The following BRINP2 variants were observed in gnomAD, a reference collection of about 807,000 sequenced individuals.
The protein encoded by BRINP2 is BMP/retinoic acid-inducible neural-specific protein 2.
BRINP2 carries 21 observed loss-of-function variants against 69.2 expected under a neutral mutation model. The ratio of observed to expected loss-of-function variants is 0.30; its 90% confidence interval spans 0.22 to 0.44. The LOEUF (loss-of-function observed/expected upper bound fraction) is 0.44. Ranked by LOEUF, BRINP2 falls within the 20% of genes least tolerant of loss-of-function variation. The pLI is 1.00. For missense variants in BRINP2, 877 were observed against 986.0 expected (o/e 0.89, Z 1.48); for synonymous variants, 380 against 394.1 (o/e 0.96, Z 0.42).
rs572141135 is a variant in BRINP2 at position 177,233,837 on chromosome 1, C to T, written c.269+3692C>T. Reference sequence around the variant, plus strand: ...TTTCTTAGGCATGTCCTCCAGTGGCCGGTGACTGCAGGCTCCTTTGTTCCA... The same window carrying T: ...TTTCTTAGGCATGTCCTCCAGTGGCTGGTGACTGCAGGCTCCTTTGTTCCA... On this transcript the variant is annotated intron_variant, in intron 2 of 7. Transcript: ENST00000361539. 1.3e-3 allele frequency among the ~76,000 whole-genome samples: 199 copies of T among 152,234 alleles called. 1 individual carries two copies. The highest frequency in any genetic ancestry group is 4.5e-3 in the African/African-American group (185 of 41,536).
At chr1:177,239,861 G>A (rs1426225811) in intron 2 of BRINP2, among the ~76,000 whole-genome samples, 1 of 152,204 alleles carries the variant, frequency 6.6e-6, no homozygotes, top group Non-Finnish European at 1.5e-5. Context: ...TCTGGCAGGA[G>A]TTCCCAGCCA....
At chr1:177,272,419 G>C (rs1304368402) in intron 4 of BRINP2, among the ~76,000 whole-genome samples, 1 of 152,216 alleles carries the variant, frequency 6.6e-6, no homozygotes, top group East Asian at 1.9e-4. Context: ...CTTGTTTATT[G>C]AGTACCTACT....
At chr1:177,212,082 T>C (rs1649238470) in intron 1 of BRINP2, among the ~76,000 whole-genome samples, 1 of 149,224 alleles carries the variant, frequency 6.7e-6, no homozygotes, top group African/African-American at 2.6e-5. Flanking sequence ...GATAGATAGA[T>C]AGATAGATAG....
intron 1 of BRINP2, among the ~76,000 whole-genome samples, chr1:177,179,955 C>T (rs542025187): frequency 3.9e-5 from 6 of 152,190 alleles, no homozygotes; most frequent in East Asian, 3.9e-4. Flanking sequence ...TTCACACACA[C>T]GCACACCCCG....
At chr1:177,260,922 T>C (rs1186081838) in intron 4 of BRINP2, among the ~76,000 whole-genome samples, 2 of 152,146 alleles carry the variant, frequency 1.3e-5, no homozygotes. Context: ...ATCTCTGAGG[T>C]ACACCTGTAT....
intron 2 of BRINP2, among the ~76,000 whole-genome samples, chr1:177,244,010 A>G (rs1006193540): frequency 1.3e-5 from 2 of 152,218 alleles, no homozygotes; most frequent in Non-Finnish European, 2.9e-5. Flanking sequence ...CTGTGAGCCC[A>G]GGAGGAAAAT....
intron 1 of BRINP2, among the ~76,000 whole-genome samples, chr1:177,209,576 G>T (rs1649165190): frequency 1.3e-5 from 2 of 152,156 alleles, no homozygotes; most frequent in Admixed American, 1.3e-4. Flanking sequence ...TGAGTGTGAT[G>T]AATTGTTTCT....
intron 1 of BRINP2, among the ~76,000 whole-genome samples, chr1:177,186,226 C>T: frequency 6.6e-6 from 1 of 152,130 alleles, no homozygotes; most frequent in East Asian, 1.9e-4. Context: ...TGGGAGGTAT[C>T]CCTGAAGGGG....
chr1:177,212,717 C>T (rs1005806723), intron 1 of BRINP2, among the ~76,000 whole-genome samples: 1 of 152,142 alleles, frequency 6.6e-6, no homozygotes, highest in Non-Finnish European at 1.5e-5. Flanking sequence ...ACAATCAGAG[C>T]TTTTTCCCCC....
chr1:177,223,828 C>T (rs1649614208), intron 1 of BRINP2, among the ~76,000 whole-genome samples: 2 of 151,998 alleles, frequency 1.3e-5, no homozygotes, highest in South Asian at 4.1e-4. Context: ...CAGTTCCATG[C>T]CAGTCCTGAG....
chr1:177,257,256 G>A lies in BRINP2; in HGVS notation c.541G>A (p.Gly181Arg), dbSNP rs369411788. The A allele has an allele frequency of 1.9e-6, 3 of 1,613,884 alleles. No individual in the cohort carries two copies. Among genetic ancestry groups the A allele is most frequent in the East Asian group, 2.2e-5 (1 of 44,856 alleles). Reference sequence around the variant, plus strand: ...GACAACAGGAGGTGCCTCTATAATCGGGGGCAGTGGGAACAGCACAGCTGT... The same window carrying A: ...GACAACAGGAGGTGCCTCTATAATCAGGGGCAGTGGGAACAGCACAGCTGT... The part of the protein sequence containing the change: ...TETTGGASII[G>R]GSGNSTAVSL... Residue 181 changes from glycine (G) to arginine (R), a missense_variant, in exon 4 of 8, where the codon GGG becomes AGG. Transcript: ENST00000361539.
rs552790448 is a variant in BRINP2, at chr1:177,220,841, G to A, written c.-76-8960G>A. Among the ~76,000 whole-genome samples the A allele has an allele frequency of 2.0e-4, 31 of 152,198 alleles. No homozygotes were observed. In the South Asian group the frequency reaches 4.6e-3, roughly 22 times the overall value. Reference sequence around the variant, plus strand: ...GGATTGGCCCATGGTGGAGGAGTACGCCTAACCTGTGGTTTTTGAGACAGC... The same window carrying A: ...GGATTGGCCCATGGTGGAGGAGTACACCTAACCTGTGGTTTTTGAGACAGC... On this transcript the variant is annotated intron_variant, in intron 1 of 7. Coordinates refer to ENST00000361539, the MANE Select transcript of BRINP2 (RefSeq NM_021165.4).
At chr1:177,277,578 G>A (rs1651540436) in intron 6 of BRINP2, among the ~76,000 whole-genome samples, 1 of 151,254 alleles carries the variant, frequency 6.6e-6, no homozygotes, top group African/African-American at 2.4e-5. Context: ...AATCTTCTGA[G>A]GAGATGAGGA....
At chr1:177,274,786 G>A (rs1316664012) in intron 5 of BRINP2, among the ~76,000 whole-genome samples, 20 of 152,166 alleles carry the variant, frequency 1.3e-4, no homozygotes, top group Admixed American at 1.3e-3. Context: ...CATGTGGATT[G>A]GGTGTGTGAG....
Position 177,248,545 on chromosome 1 carries a change from TAGGG to T in BRINP2, c.270-7366_270-7363del, listed in dbSNP as rs1224322430. ...TAATACTCTCCCCCTTAAGGCTGCA[TAGGG>T]AGGGAGGCTTCATAGGTAGTGACTC... On this transcript the variant is annotated intron_variant, in intron 2 of 7. Transcript: ENST00000361539. Among the ~76,000 whole-genome samples, 4 of 151,260 alleles carry T rather than the reference TAGGG, an allele frequency of 2.6e-5. No homozygotes were observed. In the East Asian group the frequency reaches 7.8e-4, roughly 29 times the overall value.
intron 1 of BRINP2, among the ~76,000 whole-genome samples, chr1:177,196,926 A>C (rs1648764613): frequency 6.6e-6 from 1 of 151,992 alleles, no homozygotes; most frequent in South Asian, 2.1e-4. Context: ...TATGAACTGA[A>C]TTGCTCCCCC....
intron 1 of BRINP2, among the ~76,000 whole-genome samples, chr1:177,212,275 G>A (rs1649245843): frequency 6.6e-6 from 1 of 152,192 alleles, no homozygotes; most frequent in Non-Finnish European, 1.5e-5. Context: ...GCCAGGCGCG[G>A]TGGCTCACGC....
chr1:177,265,847 G>T (rs1651100076), intron 4 of BRINP2, among the ~76,000 whole-genome samples: 1 of 152,042 alleles, frequency 6.6e-6, no homozygotes, highest in Non-Finnish European at 1.5e-5. Flanking sequence ...TAGGCCAGCT[G>T]CGGTGGCTCA....
intron 7 of BRINP2, 144 bp downstream of exon 7, chr1:177,278,929 G>A: frequency 1.3e-6 from 1 of 743,244 alleles, no homozygotes; most frequent in Admixed American, 2.6e-5. Flanking sequence ...CTACTCATGT[G>A]TGTCATTCTC....
Sources: allele counts gnomAD v4.1 joint callset (sites outside exome capture counted in the v4.1 genomes callset), GRCh38; gene constraint gnomAD v4.1.1; transcripts MANE v1.5; gene names NCBI Gene and HGNC (gene_info 2026-07-23, HGNC 2026-07-21).